GRM5: variants seen among roughly 807,000 people sequenced by gnomAD.
GRM5 encodes the protein metabotropic glutamate receptor 5.
Under a neutral mutation model 83.1 loss-of-function variants are expected in GRM5, and 19 were observed. The ratio of observed to expected loss-of-function variants is 0.23; its 90% CI spans 0.16 to 0.34. The LOEUF is 0.34. Ranked by LOEUF, GRM5 falls within the 10% of genes least tolerant of loss-of-function variation. The pLI is 1.00. For synonymous variants in GRM5, 675 were observed against 633.6 expected (o/e 1.07, Z -0.98); for missense variants, 1,160 against 1,588.3 (o/e 0.73, Z 4.58).
intron 2 of GRM5, among the ~76,000 whole-genome samples, chr11:88,967,248 CATATATATAT>C (rs61389354): frequency 0.029 from 4,119 of 141,634 alleles, 149 homozygotes; most frequent in African/African-American, 0.086. Flanking sequence ...TATATATACA[CATATATATAT>C]ATATATATAT....
chr11:88,567,943 G>A lies in GRM5; in HGVS notation c.1740C>T (p.Pro580=). ...GGCAGGCAAACACCACAGCTGCAAT[G>A]GGTTCAGGGTCACCCCATCGAAGAT... ...VQYLRWGDPE[P]IAAVVFACLG... The change falls in exon 8 of 10, where the codon CCC becomes CCT. Residue 580 remains proline (P), a synonymous_variant. Transcript: ENST00000305447. This position sits in a 1 kb window ranked among gnomAD's most constrained non-coding sequence, Gnocchi z 7.3. The A allele has an allele frequency of 6.2e-7, 1 of 1,613,940 alleles. No individual in the cohort carries two copies. The highest frequency in any genetic ancestry group is 8.5e-7 in the Non-Finnish European group (1 of 1,179,888).
intron 2 of GRM5, among the ~76,000 whole-genome samples, chr11:88,956,131 T>C (rs1938605360): frequency 6.6e-6 from 1 of 152,164 alleles, no homozygotes; most frequent in Admixed American, 6.5e-5. Flanking sequence ...GTGCAAAGCT[T>C]AGAGTAGCAG....
intron 9 of GRM5, among the ~76,000 whole-genome samples, chr11:88,516,085 C>A (rs1941513343): frequency 6.6e-6 from 1 of 152,200 alleles, no homozygotes; most frequent in Admixed American, 6.5e-5. Flanking sequence ...TAGAGCATTG[C>A]AAGGGCAGAT....
At chr11:88,765,872 T>C (rs1414077629) in intron 3 of GRM5, among the ~76,000 whole-genome samples, 3 of 151,872 alleles carry the variant, frequency 2.0e-5, no homozygotes, top group Non-Finnish European at 2.9e-5. Flanking sequence ...TAAAATTGTG[T>C]ATACAAAGAC....
chr11:88,778,308 G>A (rs1942901963), intron 3 of GRM5, among the ~76,000 whole-genome samples: 1 of 152,230 alleles, frequency 6.6e-6, no homozygotes. Context: ...AAGACCTTGG[G>A]AAAAGCACAG....
At chr11:88,679,635 C>T (rs1292495795) in intron 3 of GRM5, among the ~76,000 whole-genome samples, 1 of 152,094 alleles carries the variant, frequency 6.6e-6, no homozygotes, top group Non-Finnish European at 1.5e-5. Flanking sequence ...TCCTGGGGCT[C>T]AAATACTTTT....
chr11:88,556,254 G>C (rs1430821290), intron 8 of GRM5, among the ~76,000 whole-genome samples: 2 of 151,738 alleles, frequency 1.3e-5, no homozygotes, highest in Non-Finnish European at 2.9e-5. Context: ...GTCATGAGAT[G>C]ACCCCAGGAT....
intron 2 of GRM5, among the ~76,000 whole-genome samples, chr11:88,992,830 A>G (rs1275613481): frequency 7.8e-5 from 11 of 140,286 alleles, no homozygotes; most frequent in Non-Finnish European, 9.3e-5. Flanking sequence ...GAACACTTGG[A>G]CATAGCAAGG....
At chr11:88,737,583 ATCTGT>A (rs1476832300) in intron 3 of GRM5, among the ~76,000 whole-genome samples, 1 of 152,090 alleles carries the variant, frequency 6.6e-6, no homozygotes, top group Non-Finnish European at 1.5e-5. Context: ...AAGTATAGTG[ATCTGT>A]CCTCTGTACT....
intron 1 of GRM5, among the ~76,000 whole-genome samples, chr11:89,054,995 G>A (rs1432667633): frequency 3.3e-5 from 5 of 152,146 alleles, no homozygotes; most frequent in African/African-American, 7.2e-5. Flanking sequence ...TGAGGGATAT[G>A]CTTTCTAAAT....
Position 89,047,114 on chromosome 11 carries a change from A to T in GRM5, c.661+98T>A. On this transcript the variant is annotated intron_variant, in intron 2 of 9. Coordinates refer to ENST00000305447, the MANE Select transcript of GRM5 (RefSeq NM_001143831.3). This position sits in a 1 kb window ranked among gnomAD's most constrained non-coding sequence, Gnocchi z 5.1. ...TGGTATAACTCGGACAATTCAAAAT[A>T]TCCAAAATAATTAGGAATAGTTTAC... 1 of 937,986 alleles carries T rather than the reference A, an allele frequency of 1.1e-6. No individual in the cohort carries two copies. Among genetic ancestry groups the T allele is most frequent in the Admixed American group, 2.3e-5 (1 of 42,900 alleles). The allele number at this position is 937,986 out of a possible 1,614,324, so 58.1% of individuals were successfully genotyped here.
At chr11:88,797,841 A>G (rs760351134) in intron 3 of GRM5, among the ~76,000 whole-genome samples, 1 of 150,350 alleles carries the variant, frequency 6.7e-6, no homozygotes, top group Non-Finnish European at 1.5e-5. Flanking sequence ...AAAAAAAAGC[A>G]TTATGGATCT....
chr11:88,941,519 GA>G (rs1343523195), intron 2 of GRM5, among the ~76,000 whole-genome samples: 19 of 30,146 alleles, frequency 6.3e-4, no homozygotes, highest in Non-Finnish European at 1.9e-3. Flanking sequence ...GGGGAGAGGA[GA>G]GAGGAGGGGA....
intron 1 of GRM5, among the ~76,000 whole-genome samples, chr11:89,056,377 C>T (rs1941874648): frequency 6.6e-6 from 1 of 152,140 alleles, no homozygotes; most frequent in African/African-American, 2.4e-5. Context: ...GGTGAGATTT[C>T]TCCTGTGCAA....
intron 3 of GRM5, among the ~76,000 whole-genome samples, chr11:88,742,410 G>A (rs1296178983): frequency 6.6e-6 from 1 of 152,048 alleles, no homozygotes; most frequent in Non-Finnish European, 1.5e-5. Context: ...AAGACGGTAG[G>A]AAATTTACAT....
At chr11:88,524,214 C>CTTTCTTTTTTTTTTTTTTTT (rs1555060035) in intron 9 of GRM5, among the ~76,000 whole-genome samples, 1 of 101,408 alleles carries the variant, frequency 9.9e-6, no homozygotes, top group African/African-American at 4.5e-5. Flanking sequence ...TTCTTTCTTT[C>CTTTCTTTTTTTTTTTTTTTT]TTTTTTTTTT....
intron 3 of GRM5, among the ~76,000 whole-genome samples, chr11:88,746,972 T>A (rs1340632259): frequency 6.8e-6 from 1 of 147,418 alleles, no homozygotes; most frequent in Non-Finnish European, 1.5e-5. Flanking sequence ...ACAGAATTTT[T>A]AAAAATGTCA....
intron 2 of GRM5, among the ~76,000 whole-genome samples, chr11:88,971,052 C>T (rs761758176): frequency 6.6e-6 from 1 of 151,282 alleles, no homozygotes; most frequent in African/African-American, 2.5e-5. Context: ...AACGGCAGGA[C>T]TGAATAAATT....
At chr11:88,549,232 G>C (rs1381465938) in intron 8 of GRM5, among the ~76,000 whole-genome samples, 3 of 152,080 alleles carry the variant, frequency 2.0e-5, no homozygotes, top group African/African-American at 7.2e-5. Flanking sequence ...GGGAGACCAG[G>C]GAGGGTGGAT....
Sources: allele counts gnomAD v4.1 joint callset (sites outside exome capture counted in the v4.1 genomes callset), GRCh38; gene constraint gnomAD v4.1.1; non-coding constraint Gnocchi (gnomAD v3.1); transcripts MANE v1.5; gene names NCBI Gene and HGNC (gene_info 2026-07-23, HGNC 2026-07-21).